The following POLR1B variants were observed in gnomAD, a reference collection of about 807,000 sequenced individuals.
POLR1B encodes DNA-directed RNA polymerase I subunit RPA2.
Under a neutral mutation model 105.8 loss-of-function variants are expected in POLR1B, and 30 were observed. That is an observed-to-expected ratio of 0.28 (90% CI 0.21 to 0.38). The LOEUF is 0.38. Ranked by LOEUF, POLR1B falls within the 10% of genes least tolerant of loss-of-function variation. POLR1B has a pLI of 1.00. For synonymous variants in POLR1B, 485 were observed against 505.1 expected (o/e 0.96, Z 0.53); for missense variants, 976 against 1,435.8 (o/e 0.68, Z 5.17).
In POLR1B at chr2:112,573,592, T is replaced by C; in HGVS notation, c.2302T>C (p.Phe768Leu). The change falls in exon 14 of 15, where the codon TTT becomes CTT. Residue 768 changes from phenylalanine to leucine, a missense_variant. Physicochemically the swap from Phe to Leu is conservative, Grantham distance 22. Coordinates refer to ENST00000263331, the MANE Select transcript of POLR1B (RefSeq NM_019014.6). ...IVNKASWERG[F>L]AHGSVYKSEF... ...GAATAAGGCCTCTTGGGAACGAGGC[T>C]TTGCCCATGGAAGTGTCTACAAGTC... 6.2e-7 allele frequency: 1 copy of C among 1,614,142 alleles called. No individual in the cohort carries two copies. The highest frequency in any genetic ancestry group is 8.5e-7 in the Non-Finnish European group (1 of 1,179,992).
chr2:112,566,938 GC>G (rs1684313618), intron 10 of POLR1B, among the ~76,000 whole-genome samples: 1 of 152,024 alleles, frequency 6.6e-6, no homozygotes, highest in African/African-American at 2.4e-5. Context: ...TCTCCATGTT[GC>G]CCCGGCTGGT....
At chr2:112,565,441 T>C (rs567149112) in intron 10 of POLR1B, among the ~76,000 whole-genome samples, 1 of 152,374 alleles carries the variant, frequency 6.6e-6, no homozygotes, top group African/African-American at 2.4e-5. Context: ...GAACAAGGAC[T>C]TTCTCTTCAA....
At chr2:112,548,764 T>C (rs1053810870) in intron 3 of POLR1B, among the ~76,000 whole-genome samples, 3 of 151,976 alleles carry the variant, frequency 2.0e-5, no homozygotes, top group African/African-American at 7.2e-5. Context: ...AGGCGCCCAC[T>C]ACCACGCCTG....
At chr2:112,550,836 TTC>T in intron 4 of POLR1B, 28 bp from the exon 5 acceptor site, 1 of 1,609,114 alleles carries the variant, frequency 6.2e-7, no homozygotes, top group Non-Finnish European at 8.5e-7. Context: ...ATCAATGAGT[TTC>T]TGATTTTTTT....
At chr2:112,553,165 A>G (rs1449656065) in intron 7 of POLR1B, among the ~76,000 whole-genome samples, 1 of 152,216 alleles carries the variant, frequency 6.6e-6, no homozygotes, top group African/African-American at 2.4e-5. Flanking sequence ...CCCTAATGTC[A>G]GTGCTCAGTG....
intron 9 of POLR1B, among the ~76,000 whole-genome samples, chr2:112,563,827 G>T (rs531800991): frequency 6.6e-6 from 1 of 152,108 alleles, no homozygotes; most frequent in African/African-American, 2.4e-5. Context: ...AATCTGGGAG[G>T]TTGAGGTTGC....
intron 9 of POLR1B, among the ~76,000 whole-genome samples, chr2:112,560,843 G>A (rs1027420629): frequency 1.3e-5 from 2 of 152,056 alleles, no homozygotes; most frequent in African/African-American, 4.8e-5. Context: ...GATGACTTGC[G>A]GTCAGGAGTT....
At chr2:112,556,293 C>T (rs941166190) in intron 7 of POLR1B, among the ~76,000 whole-genome samples, 1 of 152,216 alleles carries the variant, frequency 6.6e-6, no homozygotes, top group Non-Finnish European at 1.5e-5. Flanking sequence ...GAGCTAACAG[C>T]TTCCTTCACT....
At chr2:112,561,866 C>T (rs745358973) in intron 9 of POLR1B, among the ~76,000 whole-genome samples, 9 of 152,040 alleles carry the variant, frequency 5.9e-5, no homozygotes, top group Non-Finnish European at 1.2e-4. Context: ...GAGATGGGGT[C>T]TTGCTATGTT....
At chr2:112,552,506 A>G in intron 6 of POLR1B, 139 bp from the exon 7 acceptor site, 2 of 865,264 alleles carry the variant, frequency 2.3e-6, no homozygotes, top group Non-Finnish European at 3.3e-6. Context: ...AAATGTGGCC[A>G]GTGTAGCTCA....
Position 112,573,558 on chromosome 2 carries a change from A to C in POLR1B, c.2272-4A>C. 1 of 1,608,288 alleles carries C rather than the reference A, an allele frequency of 6.2e-7. No individual in the cohort carries two copies. Among genetic ancestry groups the C allele is most frequent in the Non-Finnish European group, 8.5e-7 (1 of 1,177,262 alleles). Reference sequence around the variant, plus strand: ...AGTCTTTTAACGATTCTTTTACTTCACAGATTGTGAATAAGGCCTCTTGGG... The same window carrying C: ...AGTCTTTTAACGATTCTTTTACTTCCCAGATTGTGAATAAGGCCTCTTGGG... On this transcript the variant is annotated splice_polypyrimidine_tract_variant and splice_region_variant and intron_variant, in intron 13 of 14. Transcript: ENST00000263331.
intron 9 of POLR1B, among the ~76,000 whole-genome samples, chr2:112,562,182 A>G (rs1214969884): frequency 2.0e-5 from 3 of 152,152 alleles, no homozygotes; most frequent in Non-Finnish European, 4.4e-5. Flanking sequence ...TTCTGAAATG[A>G]CTTTGAAAGC....
intron 1 of POLR1B, among the ~76,000 whole-genome samples, chr2:112,546,724 G>T (rs1248240313): frequency 6.6e-6 from 1 of 150,980 alleles, no homozygotes; most frequent in Non-Finnish European, 1.5e-5. Flanking sequence ...ACCACGCCTG[G>T]CTAATTTTTT....
At chr2:112,573,531 T>G (rs1232633669) in intron 13 of POLR1B, 31 bp from the exon 14 acceptor site, 1 of 1,589,860 alleles carries the variant, frequency 6.3e-7, no homozygotes, top group East Asian at 2.2e-5. Flanking sequence ...TCAATTGGCC[T>G]CAGTCTTTTA....
Position 112,551,864 on chromosome 2 carries a change from G to A in POLR1B, c.852G>A (p.Gln284=), listed in dbSNP as rs147178463. The A allele has an allele frequency of 7.4e-5, 119 of 1,614,086 alleles. 2 individuals are homozygous for A. In the East Asian group the frequency reaches 2.5e-3, roughly 34 times the overall value. The stretch of plus-strand genomic sequence containing the variant: ...CTTTCCTTAGGAACTCTGTTTCTCA[G>A]ATGTTAAGGATTGTAATGGAAGAGG... The part of the protein sequence containing the change: ...DDSFLRNSVS[Q]MLRIVMEEGC... The change falls in exon 6 of 15, where the codon CAG becomes CAA. Residue 284 remains glutamine (Q), a synonymous_variant. Coordinates refer to ENST00000263331, the MANE Select transcript of POLR1B (RefSeq NM_019014.6).
At position 112,577,787 on chromosome 2, in the gene POLR1B, G is replaced by A. The variant is rs57032443; in HGVS notation, c.*2058G>A. On this transcript the variant is annotated 3_prime_UTR_variant, in exon 15 of 15. Transcript: ENST00000263331. ...AAGGTCCAGGCAGTGAGCCAAGATTGTGCCACCACACTCCAGCCTGGGCGA... is the reference window on the plus strand; with the variant it reads ...AAGGTCCAGGCAGTGAGCCAAGATTATGCCACCACACTCCAGCCTGGGCGA... Among the ~76,000 whole-genome samples, 2,615 of 139,380 alleles carry A rather than the reference G, an allele frequency of 0.019. 83 individuals carry two copies. The highest frequency in any genetic ancestry group is 0.066 in the African/African-American group (2,481 of 37,312). 91.4% of individuals were successfully genotyped at this position (139,380 alleles called of 152,430 possible). A position where few individuals can be genotyped will look rare whatever the true frequency, so the allele number is the denominator to read the frequency against.
At chr2:112,548,700 C>A (rs190559139) in intron 3 of POLR1B, among the ~76,000 whole-genome samples, 2 of 152,138 alleles carry the variant, frequency 1.3e-5, no homozygotes, top group East Asian at 3.9e-4. Flanking sequence ...GCAAGCTCCG[C>A]CTCCTGGGTT....
chr2:112,559,904 A>G (rs944356379), intron 9 of POLR1B, among the ~76,000 whole-genome samples: 1 of 152,084 alleles, frequency 6.6e-6, no homozygotes, highest in Non-Finnish European at 1.5e-5. Flanking sequence ...TGCTGGGATT[A>G]CAGTTGTGAG....
intron 1 of POLR1B, 153 bp from the exon 2 acceptor site, chr2:112,546,859 G>A (rs1338259277): frequency 1.5e-5 from 11 of 750,976 alleles, no homozygotes; most frequent in East Asian, 8.5e-5. Context: ...CACTGCGCCC[G>A]GCCAACTGGA....
Sources: gnomAD v4.1 joint callset for allele counts (sites outside exome capture counted in the v4.1 genomes callset) on GRCh38, gnomAD v4.1.1 for gene constraint, MANE v1.5 for transcripts, NCBI Gene and HGNC (gene_info 2026-07-23, HGNC 2026-07-21) for gene names.